MTUS2: variants seen among roughly 807,000 people sequenced by gnomAD.
MTUS2 encodes microtubule-associated tumor suppressor candidate 2.
A neutral mutation model predicts 114.1 loss-of-function variants in MTUS2; 40 were observed. The observed-to-expected ratio is 0.35, with a 90% CI of 0.27 to 0.46. The LOEUF is 0.46. MTUS2 is among the 20% of genes least tolerant of loss of function. The probability of loss-of-function intolerance (pLI) is 1.00; values close to 1 mark genes in which losing one functional copy is unlikely to be tolerated. For synonymous variants in MTUS2, 688 were observed against 672.0 expected, an observed-to-expected ratio of 1.02 and a Z score of -0.37; for missense variants, 1,679 against 1,705.4, an observed-to-expected ratio of 0.98 and a Z score of 0.27.
At chr13:29,033,770 A>G in intron 3 of MTUS2, 115 bp from the exon 4 acceptor site, 9 of 1,288,824 alleles carry the variant, frequency 7.0e-6, no homozygotes, top group Non-Finnish European at 9.7e-6. Context: ...ACTTGTGATC[A>G]AGCAGCTAAG....
chr13:29,178,095 T>G (rs1893850181), intron 5 of MTUS2, among the ~76,000 whole-genome samples: 1 of 152,288 alleles, frequency 6.6e-6, no homozygotes, highest in Middle Eastern at 3.4e-3. Context: ...CTCTTTCTAC[T>G]CCCTTGGTTT....
intron 5 of MTUS2, among the ~76,000 whole-genome samples, chr13:29,249,133 G>C (rs777503428): frequency 7.2e-5 from 11 of 151,994 alleles, no homozygotes; most frequent in Admixed American, 1.3e-4. Flanking sequence ...GACTACAGGC[G>C]TGCACCACTA....
intron 5 of MTUS2, among the ~76,000 whole-genome samples, chr13:29,207,819 A>G (rs1313236017): frequency 1.3e-5 from 2 of 151,942 alleles, no homozygotes; most frequent in African/African-American, 4.8e-5. Flanking sequence ...GTTGGATTCC[A>G]TTAGCTAGTA....
At chr13:29,475,305 C>T (rs985835655) in intron 9 of MTUS2, among the ~76,000 whole-genome samples, 15 of 152,188 alleles carry the variant, frequency 9.9e-5, no homozygotes, top group Non-Finnish European at 1.8e-4. Context: ...AAGTCTAGCA[C>T]ATATAATTAT....
rs989660663 is a variant in MTUS2, at chr13:29,439,752, A to G, written c.3118-231A>G. On this transcript the variant is annotated intron_variant, in intron 8 of 15. Coordinates refer to ENST00000612955, the MANE Select transcript of MTUS2 (RefSeq NM_001033602.4). ...GGAGTGTAATCTAGACAAAAACACAACCACGGGTATTATTAATATTATGAT... is the reference window on the plus strand; with the variant it reads ...GGAGTGTAATCTAGACAAAAACACAGCCACGGGTATTATTAATATTATGAT... 2.0e-5 allele frequency among the ~76,000 whole-genome samples: 3 copies of G among 152,300 alleles called. No individual in the cohort carries two copies. In the East Asian group the frequency reaches 5.8e-4, roughly 29 times the overall value.
At chr13:28,916,271 G>C (rs1251880403) in intron 2 of MTUS2, among the ~76,000 whole-genome samples, 1 of 151,810 alleles carries the variant, frequency 6.6e-6, no homozygotes, top group Non-Finnish European at 1.5e-5. Context: ...GATAGCTTTG[G>C]CTATTCTGGG....
rs769136478 is a variant in MTUS2 at position 29,025,990 on chromosome 13, C to T, written c.1292C>T (p.Ser431Leu). Reference sequence around the variant, plus strand: ...GGTGAAAGGACATCCAGCAGCTTTTCACCAGGTGACAGTCATGTGGCTTTT... The same window carrying T: ...GGTGAAAGGACATCCAGCAGCTTTTTACCAGGTGACAGTCATGTGGCTTTT... Reference protein sequence around the residue: ...KLGERTSSSFSPGDSHVAFIP... With the variant: ...KLGERTSSSFLPGDSHVAFIP... The change falls in exon 3 of 16, where the codon TCA becomes TTA. Residue 431 changes from serine (S) to leucine (L), a missense_variant. Around this residue, in one of 3 missense-constraint regions of MTUS2, gnomAD observed 843 missense variants for 770.8 expected, o/e 1.09. Coordinates refer to ENST00000612955, the MANE Select transcript of MTUS2 (RefSeq NM_001033602.4). The T allele has an allele frequency of 6.2e-7, 1 of 1,614,038 alleles. No individual in the cohort carries two copies. Among genetic ancestry groups the T allele is most frequent in the East Asian group, 2.2e-5 (1 of 44,888 alleles).
chr13:28,903,934 A>G (rs1383058151), intron 2 of MTUS2, among the ~76,000 whole-genome samples: 2 of 152,092 alleles, frequency 1.3e-5, no homozygotes, highest in Non-Finnish European at 2.9e-5. Flanking sequence ...GTGTTTCCTG[A>G]CTTTTTAATG....
intron 2 of MTUS2, among the ~76,000 whole-genome samples, chr13:28,918,785 A>G: frequency 6.6e-6 from 1 of 151,364 alleles, no homozygotes. Context: ...AGTGAAGGTG[A>G]TGTTCTCTGG....
Position 29,298,283 on chromosome 13 carries a change from A to G in MTUS2, c.2806+16418A>G, listed in dbSNP as rs990005599. Among the ~76,000 whole-genome samples the G allele has an allele frequency of 2.0e-5, 3 of 152,226 alleles. No individual in the cohort carries two copies. The South Asian group carries it at 6.2e-4, about 31-fold the overall frequency. On this transcript the variant is annotated intron_variant, in intron 6 of 15. Transcript: ENST00000612955. ...TGTATAAAAAATGAGTAACTGATAC[A>G]TTATTATTTGAGTTCCTCTCTACCT...
At chr13:29,502,593 C>T (rs537647155) in intron 15 of MTUS2, among the ~76,000 whole-genome samples, 3 of 152,278 alleles carry the variant, frequency 2.0e-5, no homozygotes, top group Non-Finnish European at 4.4e-5. Context: ...GGAAGGCCCG[C>T]GGCTCTTCAC....
At chr13:28,919,764 T>G (rs1593300147) in intron 2 of MTUS2, among the ~76,000 whole-genome samples, 1 of 152,160 alleles carries the variant, frequency 6.6e-6, no homozygotes, top group Non-Finnish European at 1.5e-5. Context: ...CACTGTTTTT[T>G]ATTCTTTCAT....
intron 9 of MTUS2, among the ~76,000 whole-genome samples, chr13:29,455,561 C>G (rs1879043711): frequency 6.6e-6 from 1 of 152,166 alleles, no homozygotes; most frequent in South Asian, 2.1e-4. Context: ...ACTCAATGCC[C>G]ATTAAAGGAA....
chr13:29,287,431 T>G (rs1195815792), intron 6 of MTUS2, among the ~76,000 whole-genome samples: 1 of 152,172 alleles, frequency 6.6e-6, no homozygotes, highest in East Asian at 1.9e-4. Flanking sequence ...CCACACTATT[T>G]GCGTTTTCCA....
In MTUS2 at chr13:29,136,764, G is replaced by A. The variant is rs1225996121; in HGVS notation, c.2644+35794G>A. 3.9e-5 allele frequency among the ~76,000 whole-genome samples: 6 copies of A among 152,108 alleles called. No homozygotes were observed. The East Asian group carries it at 7.7e-4, about 20-fold the overall frequency. On this transcript the variant is annotated intron_variant, in intron 5 of 15. Transcript: ENST00000612955. ...ATGTATTTTTTGTACTGAGTTTTGT[G>A]AGCCACTCTAATTTGTTAATTAATC...
chr13:29,054,680 A>G (rs1036478418), intron 4 of MTUS2, among the ~76,000 whole-genome samples: 2 of 152,140 alleles, frequency 1.3e-5, no homozygotes, highest in South Asian at 2.1e-4. Flanking sequence ...TTTTACCACA[A>G]TCAAAAAAAT....
chr13:29,158,273 C>A (rs1341657650), intron 5 of MTUS2, among the ~76,000 whole-genome samples: 1 of 150,192 alleles, frequency 6.7e-6, no homozygotes, highest in Non-Finnish European at 1.5e-5. Context: ...GAGTGACTTT[C>A]ATGTACTTTC....
At chr13:29,450,829 A>G (rs541969590) in intron 9 of MTUS2, among the ~76,000 whole-genome samples, 1 of 152,234 alleles carries the variant, frequency 6.6e-6, no homozygotes, top group Non-Finnish European at 1.5e-5. Flanking sequence ...AGAGCCAGGA[A>G]TATTGCTAGG....
At chr13:28,862,504 T>C (rs1471497566) in intron 2 of MTUS2, among the ~76,000 whole-genome samples, 1 of 152,150 alleles carries the variant, frequency 6.6e-6, no homozygotes, top group Non-Finnish European at 1.5e-5. Flanking sequence ...TCCCAGCTAC[T>C]TGGGAGACTG....
Sources: allele counts gnomAD v4.1 joint callset (sites outside exome capture counted in the v4.1 genomes callset), GRCh38; gene constraint gnomAD v4.1.1; regional missense constraint gnomAD v4.1.1; transcripts MANE v1.5; gene names NCBI Gene and HGNC (gene_info 2026-07-23, HGNC 2026-07-21).